ZNF41: variants seen among roughly 807,000 people sequenced by gnomAD.
The protein encoded by ZNF41 is zinc finger protein 41.
In ZNF41, 6 loss-of-function variants were observed where a neutral mutation model predicts 9.3. The ratio of observed to expected loss-of-function variants is 0.65; its 90% CI spans 0.35 to 1.28. ZNF41 has a LOEUF of 1.28. ZNF41 is among the 50% of genes most tolerant of loss of function. The pLI, the probability that ZNF41 is intolerant of heterozygous loss-of-function variation, is 0.03. For missense variants in ZNF41, 523 were observed against 585.8 expected (o/e 0.89, Z 1.11); for synonymous variants, 192 against 207.1 (o/e 0.93, Z 0.63).
At chrX:47,475,569 T>C (rs1455886621) in intron 1 of ZNF41, among the ~76,000 whole-genome samples, 1 of 111,674 alleles carries the variant, frequency 9.0e-6, no homozygotes, top group Non-Finnish European at 1.9e-5. Context: ...AGCAAATTTT[T>C]TATAGTGGCA....
intron 1 of ZNF41, among the ~76,000 whole-genome samples, chrX:47,473,681 T>C (rs754838851): frequency 8.9e-6 from 1 of 112,380 alleles, no homozygotes; most frequent in African/African-American, 3.2e-5. Flanking sequence ...TTATCTTCTT[T>C]AAAGTTCAGC....
intron 2 of ZNF41, among the ~76,000 whole-genome samples, chrX:47,461,344 C>T (rs1489086221): frequency 5.5e-5 from 6 of 109,744 alleles, no homozygotes; most frequent in Admixed American, 2.0e-4. Flanking sequence ...GTGATCCACC[C>T]GGCTCGGCCT....
intron 1 of ZNF41, among the ~76,000 whole-genome samples, chrX:47,469,310 C>CAAAAAAAAAAAAAAAAAAAA (rs749426044): frequency 2.8e-5 from 1 of 35,945 alleles, no homozygotes; most frequent in African/African-American, 1.0e-4. Context: ...GACTCCGTCT[C>CAAAAAAAAAAAAAAAAAAAA]AAAAAAAAAA....
intron 2 of ZNF41, 120 bp downstream of exon 2, chrX:47,467,290 G>T: frequency 8.6e-7 from 1 of 1,159,844 alleles, no homozygotes; most frequent in Non-Finnish European, 1.1e-6. Flanking sequence ...CTCCAGGGTG[G>T]CAGGTCCGGA....
intron 1 of ZNF41, chrX:47,482,576 G>C (rs1272148230): frequency 1.9e-5 from 2 of 105,289 alleles, no homozygotes. Flanking sequence ...CACCTGGTGG[G>C]TGCCCTTACA....
chrX:47,455,034 T>C (rs2056502838), intron 4 of ZNF41, among the ~76,000 whole-genome samples: 2 of 107,427 alleles, frequency 1.9e-5, no homozygotes, highest in Non-Finnish European at 3.9e-5. Context: ...TCACCTGAGG[T>C]TGGGAGTTCG....
intron 2 of ZNF41, among the ~76,000 whole-genome samples, chrX:47,467,026 G>A (rs2057014612): frequency 8.9e-6 from 1 of 112,146 alleles, no homozygotes; most frequent in South Asian, 3.7e-4. Flanking sequence ...CCGATGGAGA[G>A]GGAAGGGTTG....
At chrX:47,470,411 C>CAA (rs58574926) in intron 1 of ZNF41, among the ~76,000 whole-genome samples, 21 of 37,617 alleles carry the variant, frequency 5.6e-4, no homozygotes, top group South Asian at 2.1e-3. Flanking sequence ...GACTCCGTCT[C>CAA]AAAAAAAAAA....
intron 1 of ZNF41, among the ~76,000 whole-genome samples, chrX:47,473,550 T>C (rs989439334): frequency 8.9e-6 from 1 of 111,984 alleles, no homozygotes; most frequent in South Asian, 3.7e-4. Flanking sequence ...TTAAACCACA[T>C]GAAGTCTTAA....
intron 2 of ZNF41, among the ~76,000 whole-genome samples, chrX:47,457,637 G>A (rs967147667): frequency 8.9e-6 from 1 of 111,844 alleles, no homozygotes; most frequent in Non-Finnish European, 1.9e-5. Flanking sequence ...TCAGGAGTTC[G>A]AGACCAGCCT....
rs188586457 is a variant in ZNF41, at chrX:47,453,797, C to T, written c.295+2124G>A. ...AGCAGAAAATATGGAGCTGGCCGGG[C>T]GCGGTGGGTCACACCTATAATCCCA... is the stretch of plus-strand genomic sequence containing the variant. On this transcript the variant is annotated intron_variant, in intron 4 of 4. Transcript: ENST00000684689. 6.3e-5 allele frequency among the ~76,000 whole-genome samples: 7 copies of T among 111,905 alleles called. No individual in the cohort carries two copies. The East Asian group carries it at 1.4e-3, about 22-fold the overall frequency.
intron 1 of ZNF41, among the ~76,000 whole-genome samples, chrX:47,481,949 C>T (rs905228281): frequency 5.4e-5 from 6 of 110,202 alleles, no homozygotes; most frequent in Non-Finnish European, 9.5e-5. Context: ...ATCACTGACC[C>T]CAGGAAGCTG....
intron 1 of ZNF41, among the ~76,000 whole-genome samples, chrX:47,470,563 C>T (rs186553468): frequency 3.0e-4 from 32 of 108,451 alleles, no homozygotes; most frequent in African/African-American, 1.1e-3. Flanking sequence ...CCTATCTCTA[C>T]TAAAAATACA....
intron 1 of ZNF41, among the ~76,000 whole-genome samples, chrX:47,479,845 C>T (rs377632829): frequency 4.5e-5 from 5 of 111,203 alleles, no homozygotes; most frequent in African/African-American, 1.6e-4. Flanking sequence ...GCCTGTAATC[C>T]CAGCACTTTG....
At chrX:47,467,807 A>C (rs1189416497) in intron 1 of ZNF41, 47 bp from the exon 2 acceptor site, 2 of 303,318 alleles carry the variant, frequency 6.6e-6, no homozygotes, top group Non-Finnish European at 1.2e-5. Flanking sequence ...GTATTAAAGC[A>C]AAACATGGGG....
chrX:47,472,873 C>T, intron 1 of ZNF41, among the ~76,000 whole-genome samples: 1 of 109,607 alleles, frequency 9.1e-6, no homozygotes, highest in Non-Finnish European at 1.9e-5. Flanking sequence ...CAGGCGTCTG[C>T]CACCACGCCT....
chrX:47,461,093 T>C (rs2056769425), intron 2 of ZNF41, among the ~76,000 whole-genome samples: 1 of 109,527 alleles, frequency 9.1e-6, no homozygotes, highest in Non-Finnish European at 1.9e-5. Context: ...TATTTTCTTT[T>C]CTTTTCTTTT....
chrX:47,457,970 G>A (rs1403821731), intron 2 of ZNF41, among the ~76,000 whole-genome samples: 2 of 112,502 alleles, frequency 1.8e-5, no homozygotes, highest in East Asian at 5.5e-4. Context: ...AGACAGTGGT[G>A]TTATATACTG....
chrX:47,447,373 TCCC>T lies in ZNF41; in HGVS notation c.*54_*56del. 8.4e-7 allele frequency: 1 copy of T among 1,194,659 alleles called. No individual in the cohort carries two copies. Among genetic ancestry groups the T allele is most frequent in the African/African-American group, 1.7e-5 (1 of 57,518 alleles). ...TGATTGCAGCAACAGGCCTTCCTCC[TCCC>T]TGCTATTAGATACCTGATGCATACC... is the stretch of plus-strand genomic sequence containing the variant. On this transcript the variant is annotated 3_prime_UTR_variant, in exon 5 of 5. Transcript: ENST00000684689.
Sources: gnomAD v4.1 joint callset for allele counts (sites outside exome capture counted in the v4.1 genomes callset) on GRCh38, gnomAD v4.1.1 for gene constraint, MANE v1.5 for transcripts, NCBI Gene and HGNC (gene_info 2026-07-23, HGNC 2026-07-21) for gene names.